B3GAT3: variants seen among roughly 807,000 people sequenced by gnomAD.
The protein encoded by B3GAT3 is galactosylgalactosylxylosylprotein 3-beta-glucuronosyltransferase 3.
Under a neutral mutation model 33.1 loss-of-function variants are expected in B3GAT3, and 19 were observed. The ratio of observed to expected loss-of-function variants is 0.57; its 90% CI spans 0.40 to 0.84. B3GAT3 has a LOEUF of 0.84. Ranked by LOEUF, B3GAT3 falls within the 40% of genes least tolerant of loss-of-function variation. B3GAT3 has a pLI of 0.00. For synonymous variants in B3GAT3, 167 were observed against 193.5 expected (o/e 0.86, Z 1.14); for missense variants, 344 against 441.5 (o/e 0.78, Z 1.98).
chr11:62,621,885 G>C lies in B3GAT3; in HGVS notation c.63C>G (p.Leu21=), dbSNP rs761325764. 8 of 1,612,768 alleles carry C rather than the reference G, an allele frequency of 5.0e-6. No individual in the cohort carries two copies. Among genetic ancestry groups the C allele is most frequent in the Non-Finnish European group, 5.9e-6 (7 of 1,179,352 alleles). The change falls in exon 1 of 5, where the codon CTC becomes CTG. Residue 21 remains leucine (L), a synonymous_variant. Transcript: ENST00000265471. Reference sequence around the variant, plus strand: ...GCTCACCGAGCTGTACCAGCGCGTAGAGGAGGCCGGCGATCGACACCAGGA... The same window carrying C: ...GCTCACCGAGCTGTACCAGCGCGTACAGGAGGCCGGCGATCGACACCAGGA... ...AYFLVSIAGL[L]YALVQLGQPC... is the part of the protein sequence containing the mutation.
chr11:62,618,549 C>A (rs1943078082), intron 2 of B3GAT3, among the ~76,000 whole-genome samples: 2 of 151,070 alleles, frequency 1.3e-5, no homozygotes, highest in Admixed American at 1.3e-4. Flanking sequence ...GTAGTCCCAG[C>A]TACTTGGGAG....
intron 2 of B3GAT3, among the ~76,000 whole-genome samples, chr11:62,618,530 C>T (rs947137739): frequency 6.6e-6 from 1 of 151,180 alleles, no homozygotes; most frequent in Admixed American, 6.6e-5. Flanking sequence ...GGTGTGGTGG[C>T]GGGCACCTGT....
At position 62,616,863 on chromosome 11, in the gene B3GAT3, C is replaced by T. The variant is rs1590775022; in HGVS notation, c.619-67G>A. On this transcript the variant is annotated intron_variant, in intron 3 of 4. Transcript: ENST00000265471. ...GGAAGGGAGCAGCAGAAAGAGCCAC[C>T]TGGCTCACTCTGCCCCACTGCTTCC... 7 of 1,611,848 alleles carry T rather than the reference C, an allele frequency of 4.3e-6. No homozygotes were observed. In the Middle Eastern group the frequency reaches 5.0e-4, roughly 116 times the overall value.
Position 62,621,794 on chromosome 11 carries a change from T to C in B3GAT3, c.82+72A>G, listed in dbSNP as rs1050169923. 14 of 1,339,908 alleles carry C rather than the reference T, an allele frequency of 1.0e-5. No homozygotes were observed. In the African/African-American group the frequency reaches 2.2e-4, roughly 21 times the overall value. 83.0% of individuals were successfully genotyped at this position (1,339,908 alleles called of 1,614,324 possible). ...ATGAATGGTGTTTGCCGGGGGTTCA[T>C]CCCCAGGGCGGGATGCACGGCGGCG... On this transcript the variant is annotated intron_variant, in intron 1 of 4. Coordinates refer to ENST00000265471, the MANE Select transcript of B3GAT3 (RefSeq NM_012200.4).
intron 2 of B3GAT3, among the ~76,000 whole-genome samples, chr11:62,618,139 T>G (rs1376131897): frequency 8.4e-6 from 1 of 118,514 alleles, no homozygotes; most frequent in Non-Finnish European, 1.6e-5. Flanking sequence ...ATTGTGCCAC[T>G]GCACTCCAGC....
Position 62,617,057 on chromosome 11 carries a change from G to C in B3GAT3, c.548C>G (p.Pro183Arg), listed in dbSNP as rs746221368. Residue 183 changes from proline to arginine, a missense_variant, in exon 3 of 5, where the codon CCA (proline) becomes CGA (arginine). Coordinates refer to ENST00000265471, the MANE Select transcript of B3GAT3 (RefSeq NM_012200.4). ...GAVGGEKDPP[P>R]PGTQGVVYFA... ...GTAGACGACTCCTTGGGTCCCTGGTGGTGGTGGGTCCTTCTCCCCACCCAC... is the reference window on the plus strand; with the variant it reads ...GTAGACGACTCCTTGGGTCCCTGGTCGTGGTGGGTCCTTCTCCCCACCCAC... 24 of 1,614,180 alleles carry C rather than the reference G, an allele frequency of 1.5e-5. No homozygotes were observed. The African/African-American group carries it at 2.9e-4, about 20-fold the overall frequency.
In B3GAT3 at chr11:62,620,589, T is replaced by C. The variant is rs1327245860; in HGVS notation, c.165A>G (p.Gln55=). ...RQKDLRISQL[Q]AELRRPPPAP... ...CAGGGGGTGGCCGTCGGAGTTCCGC[T>C]TGCAGCTGGGAAATCCTCAGATCCT... The change falls in exon 2 of 5, where the codon CAA becomes CAG. Residue 55 remains glutamine (Q), a synonymous_variant. Transcript: ENST00000265471. The C allele has an allele frequency of 6.2e-7, 1 of 1,612,748 alleles. No individual in the cohort carries two copies. Among genetic ancestry groups the C allele is most frequent in the Admixed American group, 1.7e-5 (1 of 59,826 alleles).
Position 62,616,505 on chromosome 11 carries a change from C to T in B3GAT3, c.909+1G>A. On this transcript the variant is annotated splice_donor_variant, in intron 4 of 4. Coordinates refer to ENST00000265471, the MANE Select transcript of B3GAT3 (RefSeq NM_012200.4). LOFTEE classifies it high-confidence loss of function. ...TTCTATGCCCATCTCCATTCCCTTA[C>T]CCGAGTGCAGTTGGCAGCCCGTGGC... 1 of 1,614,176 alleles carries T rather than the reference C, an allele frequency of 6.2e-7. No homozygotes were observed. The highest frequency in any genetic ancestry group is 8.5e-7 in the Non-Finnish European group (1 of 1,180,048).
intron 1 of B3GAT3, among the ~76,000 whole-genome samples, chr11:62,621,662 C>G (rs1407858234): frequency 6.6e-6 from 1 of 152,218 alleles, no homozygotes; most frequent in African/African-American, 2.4e-5. Context: ...GCCTTGCAGG[C>G]TCTGGGAAGG....
In B3GAT3 at chr11:62,616,810, GGA is replaced by G. The variant is rs1455669350; in HGVS notation, c.619-16_619-15del. 1 of 1,613,846 alleles carries G rather than the reference GGA, an allele frequency of 6.2e-7. No homozygotes were observed. The highest frequency in any genetic ancestry group is 2.2e-5 in the East Asian group (1 of 44,874). ...GGTCCAGCGCATCTAACGGAGGTCG[GGA>G]GAGAAGAAACAGAGGGGTGGTCCGG... On this transcript the variant is annotated splice_polypyrimidine_tract_variant and intron_variant, in intron 3 of 4. Coordinates refer to ENST00000265471, the MANE Select transcript of B3GAT3 (RefSeq NM_012200.4).
intron 2 of B3GAT3, among the ~76,000 whole-genome samples, chr11:62,619,364 T>C (rs544567869): frequency 6.9e-4 from 105 of 152,234 alleles, no homozygotes; most frequent in African/African-American, 2.3e-3. Context: ...AACACCCTTA[T>C]GGCTACAGAT....
Position 62,621,952 on chromosome 11 carries a change from G to T in B3GAT3, c.-5C>A, listed in dbSNP as rs747351639. The T allele has an allele frequency of 3.1e-6, 5 of 1,612,796 alleles. No individual in the cohort carries two copies. Among genetic ancestry groups the T allele is most frequent in the Non-Finnish European group, 4.2e-6 (5 of 1,179,304 alleles). ...GTTCTTCAGCTTCAGCTTCATGGCC[G>T]CGCCGCCGCCCGCGCCCGAGCAGGC... On this transcript the variant is annotated 5_prime_UTR_variant, in exon 1 of 5. Coordinates refer to ENST00000265471, the MANE Select transcript of B3GAT3 (RefSeq NM_012200.4).
intron 1 of B3GAT3, 120 bp downstream of exon 1, chr11:62,621,746 G>A: frequency 3.6e-6 from 4 of 1,112,702 alleles, no homozygotes; most frequent in East Asian, 2.6e-5. Context: ...TGAGGCCGCA[G>A]AGCTGTCCGG....
intron 1 of B3GAT3, 25 bp from the exon 2 acceptor site, chr11:62,620,696 G>A (rs1943129662): frequency 1.2e-6 from 2 of 1,603,306 alleles, no homozygotes; most frequent in South Asian, 1.1e-5. Flanking sequence ...CATTAATGGG[G>A]AAAGAAGGTG....
At chr11:62,619,027 T>C (rs1423962296) in intron 2 of B3GAT3, among the ~76,000 whole-genome samples, 2 of 149,868 alleles carry the variant, frequency 1.3e-5, no homozygotes, top group Non-Finnish European at 3.0e-5. Flanking sequence ...GGTGCACGCC[T>C]GTAATCCCAG....
intron 2 of B3GAT3, among the ~76,000 whole-genome samples, chr11:62,619,125 T>C (rs552675358): frequency 6.7e-6 from 1 of 149,668 alleles, no homozygotes; most frequent in South Asian, 2.1e-4. Flanking sequence ...CACTCCAGCC[T>C]GGGCAACAGA....
chr11:62,618,189 A>AC (rs1369583861), intron 2 of B3GAT3, among the ~76,000 whole-genome samples: 8 of 150,678 alleles, frequency 5.3e-5, no homozygotes, highest in Non-Finnish European at 7.4e-5. Flanking sequence ...AAAAAAAAAA[A>AC]AAAAAAAAAA....
At chr11:62,620,004 AT>A (rs1363787751) in intron 2 of B3GAT3, among the ~76,000 whole-genome samples, 1 of 151,250 alleles carries the variant, frequency 6.6e-6, no homozygotes, top group Non-Finnish European at 1.5e-5. Flanking sequence ...AAAAAGAACT[AT>A]TTTTTTTCTT....
chr11:62,619,469 T>C (rs1943100400), intron 2 of B3GAT3, among the ~76,000 whole-genome samples: 1 of 152,000 alleles, frequency 6.6e-6, no homozygotes, highest in South Asian at 2.1e-4. Flanking sequence ...CAGTGCCTGC[T>C]AGAGAGTAAA....
Sources: gnomAD v4.1 joint callset for allele counts (sites outside exome capture counted in the v4.1 genomes callset) on GRCh38, gnomAD v4.1.1 for gene constraint, MANE v1.5 for transcripts, NCBI Gene and HGNC (gene_info 2026-07-23, HGNC 2026-07-21) for gene names.